TAF1: variants seen among roughly 807,000 people sequenced by gnomAD.
TAF1 encodes the protein TATA-box binding protein associated factor 1.
Under a neutral mutation model 138.5 loss-of-function variants are expected in TAF1, and 2 were observed. The observed-to-expected ratio is 0.01, with a 90% CI of 0.01 to 0.05. The LOEUF (loss-of-function observed/expected upper bound fraction) is 0.05. TAF1 is among the 10% of genes least tolerant of loss of function. The pLI is 1.00. For synonymous variants in TAF1, 437 were observed against 503.2 expected, an observed-to-expected ratio of 0.87 and a Z score of 1.76; for missense variants, 709 against 1,478.0, an observed-to-expected ratio of 0.48 and a Z score of 8.53.
At chrX:71,502,749 C>A (rs972793586) in intron 13 of TAF1, among the ~76,000 whole-genome samples, 1 of 110,608 alleles carries the variant, frequency 9.0e-6, no homozygotes, top group Non-Finnish European at 1.9e-5. Flanking sequence ...ACCAGCCTGG[C>A]CAATATGGCA....
At chrX:71,490,431 AT>A (rs954362394) in intron 13 of TAF1, among the ~76,000 whole-genome samples, 89 of 106,191 alleles carry the variant, frequency 8.4e-4, no homozygotes, top group Admixed American at 1.7e-3. Flanking sequence ...AAGGAATTGG[AT>A]TTTTTTTTTT....
chrX:71,437,932 T>A (rs1365281911), intron 32 of TAF1, among the ~76,000 whole-genome samples: 2 of 106,881 alleles, frequency 1.9e-5, no homozygotes, highest in African/African-American at 6.8e-5. Context: ...GCTTCCTGGA[T>A]TCAAACGTTT....
Position 71,459,133 on chromosome X carries a change from T to C in TAF1, c.5065-419T>C, listed in dbSNP as rs1003443099. On this transcript the variant is annotated intron_variant, in intron 35 of 37. Transcript: ENST00000423759. Reference sequence around the variant, plus strand: ...GGCACGTCCCTCAATGATGTGCTATTTGTGTTCCTTACTCAGATGCGCCAG... The same window carrying C: ...GGCACGTCCCTCAATGATGTGCTATCTGTGTTCCTTACTCAGATGCGCCAG... The C allele has an allele frequency of 3.8e-6, 4 of 1,042,819 alleles. No individual in the cohort carries two copies. The African/African-American group carries it at 5.8e-5, about 15-fold the overall frequency. The allele number at this position is 1,042,819 out of a possible 1,213,427, so 85.9% of individuals were successfully genotyped here. A position where few individuals can be genotyped will look rare whatever the true frequency, so the allele number is the denominator to read the frequency against.
chrX:71,527,710 AAC>A (rs1319346369), intron 13 of TAF1: 1 of 114,076 alleles, frequency 8.8e-6, no homozygotes, highest in East Asian at 2.8e-4. Flanking sequence ...ATAAAACTGA[AAC>A]AGTTATGGCA....
At chrX:71,427,800 G>A (rs1194179205) in intron 32 of TAF1, among the ~76,000 whole-genome samples, 2 of 106,748 alleles carry the variant, frequency 1.9e-5, no homozygotes, top group African/African-American at 3.4e-5. Context: ...TTAGCTGGGC[G>A]TGGAGGCGGG....
At chrX:71,394,846 A>T (rs1207803389) in intron 22 of TAF1, among the ~76,000 whole-genome samples, 4 of 110,957 alleles carry the variant, frequency 3.6e-5, no homozygotes, top group Non-Finnish European at 7.6e-5. Context: ...AGTAGCTGGG[A>T]CTATAGGTGC....
intron 28 of TAF1, among the ~76,000 whole-genome samples, chrX:71,408,404 G>T (rs1193283662): frequency 2.7e-5 from 3 of 110,546 alleles, no homozygotes; most frequent in Non-Finnish European, 5.7e-5. Context: ...TGCAACCTCC[G>T]CCTCTCGGTT....
At position 71,435,398 on chromosome X, in the gene TAF1, CCTTGCAGAT is replaced by C. The variant is rs778913384; in HGVS notation, c.4753+11165_4753+11173del. ...TATTCAGCCAAAGACTAAAGGGAAC[CCTTGCAGAT>C]CTTGTTATTTTTCTATGGAGCACCC... On this transcript the variant is annotated intron_variant, in intron 32 of 37. Coordinates refer to ENST00000423759, the MANE Select transcript of TAF1 (RefSeq NM_004606.5). 2.2e-4 allele frequency among the ~76,000 whole-genome samples: 25 copies of C among 111,813 alleles called. No homozygotes were observed. In the East Asian group the frequency reaches 6.7e-3, roughly 30 times the overall value.
intron 13 of TAF1, among the ~76,000 whole-genome samples, chrX:71,508,086 C>CTCTCTCTATATATATATATATA (rs4040068): frequency 7.6e-5 from 7 of 92,181 alleles, no homozygotes; most frequent in African/African-American, 1.7e-4. Context: ...CTCTCTCTCT[C>CTCTCTCTATATATATATATATA]TATATATATA....
chrX:71,445,252 A>T (rs2037635086), intron 32 of TAF1, among the ~76,000 whole-genome samples: 1 of 104,165 alleles, frequency 9.6e-6, no homozygotes, highest in Admixed American at 1.0e-4. Context: ...GTGAGTTGAG[A>T]TCACGCCACT....
At chrX:71,492,409 T>C (rs1164447595) in intron 13 of TAF1, 1 of 130,142 alleles carries the variant, frequency 7.7e-6, no homozygotes, top group Non-Finnish European at 1.7e-5. Flanking sequence ...CTGGACGCGT[T>C]CTCACGGTTC....
At chrX:71,420,560 A>T (rs2036276546) in intron 28 of TAF1, 5 of 1,207,763 alleles carry the variant, frequency 4.1e-6, no homozygotes, top group Non-Finnish European at 5.6e-6. Context: ...ACTCATACTC[A>T]TCTGCTTCTC....
At chrX:71,450,343 C>G (rs933650597) in intron 32 of TAF1, among the ~76,000 whole-genome samples, 6 of 110,641 alleles carry the variant, frequency 5.4e-5, no homozygotes, top group Non-Finnish European at 9.5e-5. Flanking sequence ...GCTGGGATTA[C>G]AGGTATGCAC....
At chrX:71,529,909 G>A (rs1288895818) in exon 15 of TAF1, 2 of 238,426 alleles carry the variant, frequency 8.4e-6, no homozygotes, top group Non-Finnish European at 1.6e-5. Flanking sequence ...AAGACTGTTG[G>A]TGCTGAGAGA....
Position 71,393,288 on chromosome X carries a change from A to G in TAF1, c.3052-13A>G, listed in dbSNP as rs1436058450. ...TGTATATTTATATTTGTGTGTGGCTATTTGTCTCGTAGATTAAAAAGTTGT... is the reference window on the plus strand; with the variant it reads ...TGTATATTTATATTTGTGTGTGGCTGTTTGTCTCGTAGATTAAAAAGTTGT... On this transcript the variant is annotated splice_polypyrimidine_tract_variant and intron_variant, in intron 20 of 37. Coordinates refer to ENST00000423759, the MANE Select transcript of TAF1 (RefSeq NM_004606.5). The G allele has an allele frequency of 3.4e-6, 4 of 1,183,555 alleles. No individual in the cohort carries two copies. The highest frequency in any genetic ancestry group is 4.5e-6 in the Non-Finnish European group (4 of 884,436).
chrX:71,366,703 C>T (rs1052257342), intron 1 of TAF1, among the ~76,000 whole-genome samples: 1 of 111,186 alleles, frequency 9.0e-6, no homozygotes, highest in Non-Finnish European at 1.9e-5. Context: ...GCGAGGCGAG[C>T]CCGGGGCCAG....
At chrX:71,424,414 CTTTTTTTTTTTTT>C (rs140301261) in intron 32 of TAF1, among the ~76,000 whole-genome samples, 176 bp downstream of exon 32, 2 of 29,933 alleles carry the variant, frequency 6.7e-5, no homozygotes, top group Non-Finnish European at 5.5e-5. Context: ...GTGCCAGGCT[CTTTTTTTTTTTTT>C]TTTTTTTTTT....
chrX:71,396,808 C>G (rs1405127155), intron 22 of TAF1, among the ~76,000 whole-genome samples: 1 of 109,867 alleles, frequency 9.1e-6, no homozygotes, highest in Non-Finnish European at 1.9e-5. Context: ...CAAGGCTGGC[C>G]TATCTCTTGA....
At chrX:71,461,115 G>A (rs2038533639) in intron 37 of TAF1, among the ~76,000 whole-genome samples, 1 of 111,291 alleles carries the variant, frequency 9.0e-6, no homozygotes, top group African/African-American at 3.3e-5. Flanking sequence ...GGAGTTATCA[G>A]GGAAAGTTTC....
Sources: allele counts gnomAD v4.1 joint callset (sites outside exome capture counted in the v4.1 genomes callset), GRCh38; gene constraint gnomAD v4.1.1; transcripts MANE v1.5; gene names NCBI Gene and HGNC (gene_info 2026-07-23, HGNC 2026-07-21).